Variants in MYO3A observed in about 807,000 individuals in gnomAD.
The protein encoded by MYO3A is myosin IIIA.
Under a neutral mutation model 192.7 loss-of-function variants are expected in MYO3A, and 180 were observed. That is an observed-to-expected ratio of 0.93 (90% CI 0.83 to 1.06). MYO3A has a LOEUF of 1.06. Among genes scored for constraint, MYO3A ranks in the 50% least tolerant of loss-of-function variants. The pLI is 0.00. For synonymous variants in MYO3A, 628 were observed against 645.3 expected (o/e 0.97, Z 0.41); for missense variants, 1,896 against 1,905.0 (o/e 1.00, Z 0.09).
chr10:26,007,584 A>G (rs140901463), intron 6 of MYO3A, among the ~76,000 whole-genome samples: 1 of 152,094 alleles, frequency 6.6e-6, no homozygotes, highest in Non-Finnish European at 1.5e-5. Flanking sequence ...CTTATACACC[A>G]ATCACAGACA....
At chr10:26,206,479 C>T (rs1418628860) in intron 34 of MYO3A, among the ~76,000 whole-genome samples, 1 of 151,812 alleles carries the variant, frequency 6.6e-6, no homozygotes, top group Non-Finnish European at 1.5e-5. Flanking sequence ...GACATAGTCT[C>T]ACTCTGTCAC....
intron 23 of MYO3A, among the ~76,000 whole-genome samples, chr10:26,152,215 G>A (rs1439492729): frequency 6.6e-6 from 1 of 152,124 alleles, no homozygotes; most frequent in Non-Finnish European, 1.5e-5. Context: ...AAAGACATAT[G>A]GATTTTATAT....
intron 14 of MYO3A, among the ~76,000 whole-genome samples, chr10:26,077,748 A>G (rs1251709293): frequency 6.6e-6 from 1 of 152,094 alleles, no homozygotes; most frequent in Non-Finnish European, 1.5e-5. Context: ...GCATCTATTG[A>G]GATGATCTTG....
chr10:26,058,368 T>C (rs983304601), intron 10 of MYO3A, among the ~76,000 whole-genome samples: 1 of 152,236 alleles, frequency 6.6e-6, no homozygotes, highest in African/African-American at 2.4e-5. Flanking sequence ...TGTACTAGAA[T>C]GTATTTACCT....
At chr10:26,125,813 T>A (rs1839186214) in intron 19 of MYO3A, among the ~76,000 whole-genome samples, 2 of 152,194 alleles carry the variant, frequency 1.3e-5, no homozygotes, top group South Asian at 4.1e-4. Flanking sequence ...TTTAAGTTGC[T>A]GCAACATAAA....
At chr10:26,005,366 A>G (rs1841121973) in intron 6 of MYO3A, among the ~76,000 whole-genome samples, 2 of 152,208 alleles carry the variant, frequency 1.3e-5, no homozygotes. Context: ...GAACTCCTCC[A>G]GATTGAAGGA....
intron 17 of MYO3A, among the ~76,000 whole-genome samples, chr10:26,098,771 A>AT (rs1460144147): frequency 6.6e-6 from 1 of 152,146 alleles, no homozygotes; most frequent in Non-Finnish European, 1.5e-5. Context: ...ATTGGTCTAC[A>AT]TCTCTGTTTT....
In MYO3A at chr10:25,996,507, A is replaced by G; in HGVS notation, c.321A>G (p.Ser107=). The G allele has an allele frequency of 3.7e-6, 6 of 1,613,878 alleles. 1 individual carries two copies. Among genetic ancestry groups the G allele is most frequent in the South Asian group, 3.3e-5 (3 of 91,082 alleles). The change falls in exon 5 of 35, where the codon TCA becomes TCG. Residue 107 remains serine (S), a synonymous_variant. Transcript: ENST00000642920. ...WLVLELCSGG[S]VTDLVKGFLK... ...TTGTTTAGCTCTGCAGTGGAGGATC[A>G]GTGACTGACCTTGTGAAAGGATTTC...
intron 33 of MYO3A, among the ~76,000 whole-genome samples, chr10:26,201,841 T>C (rs1297406562): frequency 6.6e-6 from 1 of 152,210 alleles, no homozygotes; most frequent in African/African-American, 2.4e-5. Flanking sequence ...ACTAAGAACT[T>C]AAATATGTTT....
At chr10:26,186,871 C>T (rs1335518556) in intron 31 of MYO3A, among the ~76,000 whole-genome samples, 4 of 152,030 alleles carry the variant, frequency 2.6e-5, no homozygotes, top group Middle Eastern at 3.2e-3. Context: ...AAGGTTTTTG[C>T]CTATATTTAA....
rs537954667 is a variant in MYO3A, at chr10:26,088,046, G to A, written c.1360-157G>A. On this transcript the variant is annotated intron_variant, in intron 14 of 34. Coordinates refer to ENST00000642920, the MANE Select transcript of MYO3A (RefSeq NM_017433.5). Reference sequence around the variant, plus strand: ...AAGTGAGTGAATCCACATATGGGAGGGGGAAAATAGACCAGGATGTAACAT... The same window carrying A: ...AAGTGAGTGAATCCACATATGGGAGAGGGAAAATAGACCAGGATGTAACAT... Among the ~76,000 whole-genome samples, 74 of 152,246 alleles carry A rather than the reference G, an allele frequency of 4.9e-4. 1 individual carries two copies. The highest frequency in any genetic ancestry group is 1.5e-3 in the African/African-American group (63 of 41,536).
intron 14 of MYO3A, among the ~76,000 whole-genome samples, chr10:26,085,786 A>G (rs1836267474): frequency 6.6e-6 from 1 of 152,254 alleles, no homozygotes; most frequent in Non-Finnish European, 1.5e-5. Flanking sequence ...AAGTGTCCAC[A>G]GTAGTGAGAG....
intron 2 of MYO3A, among the ~76,000 whole-genome samples, chr10:25,946,843 A>C (rs937320059): frequency 4.2e-5 from 5 of 119,080 alleles, no homozygotes; most frequent in Admixed American, 1.2e-4. Flanking sequence ...ACACGACTGC[A>C]CTCTGGCCTG....
intron 23 of MYO3A, among the ~76,000 whole-genome samples, chr10:26,151,785 G>A (rs1840803962): frequency 6.6e-6 from 1 of 152,154 alleles, no homozygotes; most frequent in African/African-American, 2.4e-5. Flanking sequence ...TGCATTTCAG[G>A]CTGACACTTC....
At chr10:26,037,554 T>C (rs1276364340) in intron 10 of MYO3A, among the ~76,000 whole-genome samples, 3 of 152,210 alleles carry the variant, frequency 2.0e-5, no homozygotes, top group Non-Finnish European at 4.4e-5. Flanking sequence ...CCTTTGCATA[T>C]GTATACCCAG....
chr10:26,042,904 A>T (rs954747747), intron 10 of MYO3A, among the ~76,000 whole-genome samples: 2 of 152,130 alleles, frequency 1.3e-5, no homozygotes, highest in African/African-American at 4.8e-5. Context: ...TTGAAGAGTT[A>T]GCTATTTCTG....
chr10:26,051,954 G>A (rs1844031088), intron 10 of MYO3A, among the ~76,000 whole-genome samples: 1 of 152,064 alleles, frequency 6.6e-6, no homozygotes, highest in African/African-American at 2.4e-5. Context: ...CTTCATTATG[G>A]TAATGAATGA....
intron 20 of MYO3A, among the ~76,000 whole-genome samples, chr10:26,139,026 G>C (rs1290904277): frequency 6.6e-6 from 1 of 152,120 alleles, no homozygotes; most frequent in African/African-American, 2.4e-5. Context: ...ATGCTGTAAG[G>C]AAGCCTCTGA....
At chr10:25,943,795 TG>T (rs1836658492) in intron 2 of MYO3A, among the ~76,000 whole-genome samples, 2 of 151,740 alleles carry the variant, frequency 1.3e-5, no homozygotes, top group African/African-American at 4.8e-5. Context: ...TGTGTGTGTG[TG>T]TGTGTGTGAT....
Sources: gnomAD v4.1 joint callset for allele counts (sites outside exome capture counted in the v4.1 genomes callset) on GRCh38, gnomAD v4.1.1 for gene constraint, MANE v1.5 for transcripts, NCBI Gene and HGNC (gene_info 2026-07-23, HGNC 2026-07-21) for gene names.